Variants in LPIN2 observed in about 807,000 individuals in gnomAD.
LPIN2 encodes phosphatidate phosphatase LPIN2.
LPIN2 carries 55 observed loss-of-function variants against 111.4 expected under a neutral mutation model. The observed-to-expected ratio is 0.49, with a 90% CI of 0.40 to 0.62. The LOEUF is 0.62. Ranked by LOEUF, LPIN2 falls within the 20% of genes least tolerant of loss-of-function variation. The pLI is 0.00. For synonymous variants in LPIN2, 425 were observed against 414.0 expected, an observed-to-expected ratio of 1.03 and a Z score of -0.32; for missense variants, 992 against 1,112.1, an observed-to-expected ratio of 0.89 and a Z score of 1.54.
At chr18:2,928,923 C>T (rs1474120157) in intron 10 of LPIN2, 142 bp downstream of exon 10, 38 of 688,946 alleles carry the variant, frequency 5.5e-5, no homozygotes, top group Admixed American at 1.4e-4. Flanking sequence ...TTTACTTTCA[C>T]TTCAAAGTCA....
At chr18:2,926,334 C>A (rs535713951) in intron 13 of LPIN2, among the ~76,000 whole-genome samples, 1 of 152,232 alleles carries the variant, frequency 6.6e-6, no homozygotes, top group Non-Finnish European at 1.5e-5. Context: ...GGCTGCTCAC[C>A]CTAACTGTCC....
intron 4 of LPIN2, among the ~76,000 whole-genome samples, chr18:2,948,077 G>A (rs2077481991): frequency 6.6e-6 from 1 of 152,272 alleles, no homozygotes; most frequent in East Asian, 1.9e-4. Context: ...AATTTTCACA[G>A]ATGTTTACAT....
intron 1 of LPIN2, among the ~76,000 whole-genome samples, chr18:3,007,547 G>A (rs1366886841): frequency 6.6e-6 from 1 of 152,198 alleles, no homozygotes; most frequent in Non-Finnish European, 1.5e-5. Context: ...ACGTCTCTCA[G>A]TGTTTACAAA....
rs557356751 is a variant in LPIN2, at chr18:2,967,933, C to G, written c.-9-7084G>C. 1.1e-4 allele frequency among the ~76,000 whole-genome samples: 17 copies of G among 152,250 alleles called. No homozygotes were observed. The South Asian group carries it at 3.1e-3, about 28-fold the overall frequency. On this transcript the variant is annotated intron_variant, in intron 1 of 19. Transcript: ENST00000677752. ...GCACAAGAACAACCTGGCCTACCCC[C>G]CAGGAGCACAAAACAGATGGTTCAT...
rs892845531 is a variant in LPIN2 at position 2,932,083 on chromosome 18, T to G, written c.1269-640A>C. Among the ~76,000 whole-genome samples, 6 of 152,296 alleles carry G rather than the reference T, an allele frequency of 3.9e-5. No individual in the cohort carries two copies. In the East Asian group the frequency reaches 9.6e-4, roughly 24 times the overall value. On this transcript the variant is annotated intron_variant, in intron 8 of 19. Transcript: ENST00000677752. ...AGATGAGGTTACTGAATATTTTCAT[T>G]TTTCAAGATAAGGCACAGAAGCCAG...
Position 2,917,756 on chromosome 18 carries a change from AC to A in LPIN2, c.*2536del, listed in dbSNP as rs1446921093. 1.3e-5 allele frequency: 2 copies of A among 152,352 alleles called. No homozygotes were observed. Among genetic ancestry groups the A allele is most frequent in the Non-Finnish European group, 2.9e-5 (2 of 68,094 alleles). The allele number at this position is 152,352 out of a possible 1,614,324, so 9.4% of individuals were successfully genotyped here. ...CAACTCACACGGGACGAGCTTCAGC[AC>A]ACAGACAGCAAAGCAAATACGAGAC... On this transcript the variant is annotated 3_prime_UTR_variant, in exon 20 of 20. Transcript: ENST00000677752.
At chr18:2,961,692 C>A (rs1003168193) in intron 1 of LPIN2, among the ~76,000 whole-genome samples, 1 of 152,152 alleles carries the variant, frequency 6.6e-6, no homozygotes, top group African/African-American at 2.4e-5. Context: ...CAAATCCCCC[C>A]CTTCAGTCCT....
intron 1 of LPIN2, among the ~76,000 whole-genome samples, chr18:2,979,679 A>C (rs570527350): frequency 1.1e-4 from 16 of 152,368 alleles, no homozygotes; most frequent in Middle Eastern, 3.4e-3. Context: ...AAATATAAAA[A>C]TGAATAATAA....
chr18:2,958,162 A>C (rs1389091704), intron 2 of LPIN2, among the ~76,000 whole-genome samples: 2 of 15,328 alleles, frequency 1.3e-4, no homozygotes, highest in African/African-American at 4.6e-4. Context: ...AAAAAACAAC[A>C]AAAAAAAAAA....
intron 1 of LPIN2, among the ~76,000 whole-genome samples, chr18:2,963,941 CATT>C (rs1438919237): frequency 6.6e-6 from 1 of 151,830 alleles, no homozygotes; most frequent in Non-Finnish European, 1.5e-5. Flanking sequence ...TAAACTTATA[CATT>C]ATTATCTCAG....
intron 11 of LPIN2, 24 bp from the exon 12 acceptor site, chr18:2,927,835 G>C (rs1052131608): frequency 2.7e-5 from 43 of 1,606,260 alleles, no homozygotes; most frequent in Admixed American, 8.3e-5. Context: ...ACCTGGGTTA[G>C]TCTGGGCAAT....
intron 13 of LPIN2, 52 bp downstream of exon 13, chr18:2,926,671 C>A (rs2077135683): frequency 6.6e-7 from 1 of 1,508,046 alleles, no homozygotes; most frequent in Non-Finnish European, 9.1e-7. Flanking sequence ...GAAGTAATGG[C>A]CCTGCTAGAG....
At chr18:2,970,251 G>T (rs2077884848) in intron 1 of LPIN2, among the ~76,000 whole-genome samples, 1 of 152,238 alleles carries the variant, frequency 6.6e-6, no homozygotes, top group African/African-American at 2.4e-5. Flanking sequence ...GGATTTCAAT[G>T]ATTTCAGTGC....
chr18:2,989,835 A>G (rs3016723), intron 1 of LPIN2, among the ~76,000 whole-genome samples: 148,236 of 151,682 alleles, frequency 0.98, 72,523 homozygotes, highest in East Asian at 1. Flanking sequence ...CAGGAGAATC[A>G]CTTGAACCCA....
chr18:2,986,703 T>C (rs775787174), intron 1 of LPIN2, among the ~76,000 whole-genome samples: 7 of 152,226 alleles, frequency 4.6e-5, no homozygotes, highest in Non-Finnish European at 1.0e-4. Flanking sequence ...GGTCTAACCC[T>C]TCCAACACAA....
At chr18:2,951,783 C>T (rs888652686) in intron 3 of LPIN2, among the ~76,000 whole-genome samples, 6 of 152,212 alleles carry the variant, frequency 3.9e-5, no homozygotes, top group African/African-American at 1.2e-4. Context: ...AAGGACACTA[C>T]ATCAGACAAA....
At chr18:2,963,461 G>C (rs1008128204) in intron 1 of LPIN2, among the ~76,000 whole-genome samples, 2 of 151,946 alleles carry the variant, frequency 1.3e-5, no homozygotes, top group African/African-American at 4.9e-5. Flanking sequence ...GATACACAAT[G>C]ATGTAACCCA....
chr18:2,977,231 T>C (rs1458976363), intron 1 of LPIN2: 1 of 150,746 alleles, frequency 6.6e-6, no homozygotes, highest in Non-Finnish European at 1.5e-5. Flanking sequence ...GGAAAGCTTC[T>C]AAAAATAAAA....
At chr18:2,940,150 A>G (rs1555675402) in intron 5 of LPIN2, among the ~76,000 whole-genome samples, 1 of 99,128 alleles carries the variant, frequency 1.0e-5, no homozygotes, top group Non-Finnish European at 2.1e-5. Flanking sequence ...AAATAGCGAG[A>G]CTCTGTCTCT....
Sources: allele counts gnomAD v4.1 joint callset (sites outside exome capture counted in the v4.1 genomes callset), GRCh38; gene constraint gnomAD v4.1.1; transcripts MANE v1.5; gene names NCBI Gene and HGNC (gene_info 2026-07-23, HGNC 2026-07-21).